The following GALNT13 variants were observed in gnomAD, a reference collection of about 807,000 sequenced individuals.
GALNT13 encodes the protein polypeptide N-acetylgalactosaminyltransferase 13.
Under a neutral mutation model 64.2 loss-of-function variants are expected in GALNT13, and 28 were observed. The observed-to-expected ratio is 0.44, with a 90% confidence interval of 0.32 to 0.60. The LOEUF (loss-of-function observed/expected upper bound fraction) is 0.60. Among genes scored for constraint, GALNT13 ranks in the 20% least tolerant of loss-of-function variants. GALNT13 has a pLI of 0.05. For missense variants in GALNT13, 577 were observed against 669.8 expected (o/e 0.86, Z 1.53); for synonymous variants, 214 against 224.6 (o/e 0.95, Z 0.42).
intron 3 of GALNT13, among the ~76,000 whole-genome samples, chr2:154,088,113 A>G (rs1212480639): frequency 1.3e-5 from 2 of 152,136 alleles, no homozygotes; most frequent in Non-Finnish European, 2.9e-5. Context: ...AAAATGTGTT[A>G]ATAAAGAAGT....
chr2:153,491,580 A>T, the GALNT13 span, among the ~76,000 whole-genome samples: 1 of 149,774 alleles, frequency 6.7e-6, no homozygotes, highest in Non-Finnish European at 1.5e-5. Context: ...TCAGAAACAC[A>T]CCTAAACCAT....
At chr2:153,980,081 A>G (rs998801750) in intron 3 of GALNT13, among the ~76,000 whole-genome samples, 1 of 152,190 alleles carries the variant, frequency 6.6e-6, no homozygotes, top group African/African-American at 2.4e-5. Flanking sequence ...TAAATGGATA[A>G]TATGATCTCC....
chr2:153,277,923 C>CTTTTTTGTTTTTTTTTTTTTTTTTT, the GALNT13 span, among the ~76,000 whole-genome samples: 1 of 78,954 alleles, frequency 1.3e-5, no homozygotes, highest in Non-Finnish European at 2.3e-5. Flanking sequence ...GTTTTCTTTT[C>CTTTTTTGTTTTTTTTTTTTTTTTTT]TTTCTTTTTT....
At chr2:153,786,180 C>T in the GALNT13 span, among the ~76,000 whole-genome samples, 1 of 152,150 alleles carries the variant, frequency 6.6e-6, no homozygotes, top group African/African-American at 2.4e-5. Flanking sequence ...CAGAGGCAGC[C>T]CAGCATTTCT....
At position 154,453,824 on chromosome 2, in the gene GALNT13, ATATATT is replaced by A. The variant is rs1475238929; in HGVS notation, c.*3276_*3281del. On this transcript the variant is annotated 3_prime_UTR_variant, in exon 13 of 13. Coordinates refer to ENST00000392825, the MANE Select transcript of GALNT13 (RefSeq NM_052917.4). The stretch of plus-strand genomic sequence containing the variant: ...ATTTTAAATTTTAAAATAAAGGCTA[ATATATT>A]TAGACAGGATTTCCAAAAACTTTGT... 2.0e-5 allele frequency: 3 copies of A among 152,180 alleles called. No individual in the cohort carries two copies. Among genetic ancestry groups the A allele is most frequent in the South Asian group, 2.1e-4 (1 of 4,828 alleles). 9.4% of individuals were successfully genotyped at this position (152,180 alleles called of 1,614,324 possible). A position where few individuals can be genotyped will look rare whatever the true frequency, so the allele number is the denominator to read the frequency against.
At chr2:154,163,217 G>A (rs572049048) in intron 4 of GALNT13, among the ~76,000 whole-genome samples, 1 of 141,788 alleles carries the variant, frequency 7.1e-6, no homozygotes, top group Non-Finnish European at 1.5e-5. Flanking sequence ...CCATCTATGA[G>A]TGAGAACGTG....
the GALNT13 span, among the ~76,000 whole-genome samples, chr2:153,221,681 C>T: frequency 5.9e-5 from 9 of 152,280 alleles, no homozygotes; most frequent in South Asian, 1.7e-3. Context: ...GTGAGCCAGG[C>T]GCAGAGCAGT....
chr2:153,842,173 G>C, the GALNT13 span, among the ~76,000 whole-genome samples: 1 of 152,040 alleles, frequency 6.6e-6, no homozygotes, highest in Non-Finnish European at 1.5e-5. Context: ...TACAGCATCA[G>C]AGAACTAGCA....
At chr2:153,399,396 T>G in the GALNT13 span, among the ~76,000 whole-genome samples, 1 of 152,232 alleles carries the variant, frequency 6.6e-6, no homozygotes, top group African/African-American at 2.4e-5. Flanking sequence ...AGGATTGACT[T>G]GGTGATGTGG....
chr2:153,082,573 T>TTATATATATA, the GALNT13 span, among the ~76,000 whole-genome samples: 11 of 40,566 alleles, frequency 2.7e-4, no homozygotes, highest in Non-Finnish European at 4.1e-4. Flanking sequence ...TTAGGCTGGT[T>TTATATATATA]TATATATATA....
At chr2:154,204,047 C>T (rs1687309467) in intron 4 of GALNT13, among the ~76,000 whole-genome samples, 1 of 152,152 alleles carries the variant, frequency 6.6e-6, no homozygotes, top group Non-Finnish European at 1.5e-5. Context: ...TTCCCACAAG[C>T]CCATTTTGAT....
the GALNT13 span, among the ~76,000 whole-genome samples, chr2:153,557,683 A>C: frequency 3.3e-5 from 5 of 152,326 alleles, no homozygotes; most frequent in East Asian, 7.7e-4. Context: ...TCCTCGGCTT[A>C]ACATCCTTCA....
At chr2:153,988,670 G>C (rs1483169474) in intron 3 of GALNT13, among the ~76,000 whole-genome samples, 1 of 151,962 alleles carries the variant, frequency 6.6e-6, no homozygotes, top group Non-Finnish European at 1.5e-5. Context: ...ATGTTATACA[G>C]TTGTCAGAAG....
intron 3 of GALNT13, among the ~76,000 whole-genome samples, chr2:154,056,457 A>G (rs1699898542): frequency 6.6e-6 from 1 of 152,188 alleles, no homozygotes; most frequent in Non-Finnish European, 1.5e-5. Flanking sequence ...AAATGCCATG[A>G]TAACTTCAGA....
At chr2:153,872,681 G>A (rs1686060194) in intron 1 of GALNT13, among the ~76,000 whole-genome samples, 1 of 150,974 alleles carries the variant, frequency 6.6e-6, no homozygotes, top group Non-Finnish European at 1.5e-5. Context: ...CTCCGCGGGG[G>A]TGGCTCGGCC....
chr2:153,515,023 T>C, the GALNT13 span, among the ~76,000 whole-genome samples: 6 of 152,162 alleles, frequency 3.9e-5, no homozygotes, highest in Admixed American at 6.5e-5. Flanking sequence ...TTAAGTGTTT[T>C]GGTTGGGAAG....
At chr2:153,296,703 T>C in the GALNT13 span, among the ~76,000 whole-genome samples, 1 of 152,176 alleles carries the variant, frequency 6.6e-6, no homozygotes, top group Non-Finnish European at 1.5e-5. Context: ...GACAGCATAT[T>C]TTCACTTTAG....
Position 154,153,601 on chromosome 2 carries a change from G to T in GALNT13, c.311+13096G>T, listed in dbSNP as rs1055184144. On this transcript the variant is annotated intron_variant, in intron 4 of 12. Transcript: ENST00000392825. ...GGCTCCACCCATTTCGAGCTTCCTG[G>T]CTGCTTTGTTTACCTAAGCAAGCCT... 3.3e-5 allele frequency among the ~76,000 whole-genome samples: 5 copies of T among 152,322 alleles called. No homozygotes were observed. In the South Asian group the frequency reaches 1.0e-3, roughly 32 times the overall value.
At chr2:153,069,784 T>C in the GALNT13 span, among the ~76,000 whole-genome samples, 2 of 152,236 alleles carry the variant, frequency 1.3e-5, no homozygotes, top group African/African-American at 4.8e-5. Flanking sequence ...TATTTGCAAA[T>C]GGACATAACT....
Sources: gnomAD v4.1 joint callset for allele counts (sites outside exome capture counted in the v4.1 genomes callset) on GRCh38, gnomAD v4.1.1 for gene constraint, MANE v1.5 for transcripts, NCBI Gene and HGNC (gene_info 2026-07-23, HGNC 2026-07-21) for gene names.